STPG2: variants seen among roughly 807,000 people sequenced by gnomAD.
STPG2 encodes sperm tail PG-rich repeat containing 2.
A neutral mutation model predicts 54.2 loss-of-function variants in STPG2; 56 were observed. That is an observed-to-expected ratio of 1.03 (90% CI 0.83 to 1.29). The LOEUF (loss-of-function observed/expected upper bound fraction) is 1.29, where lower values mean the gene tolerates loss of function less well. Among genes scored for constraint, STPG2 ranks in the 50% most tolerant of loss-of-function variants. STPG2 has a pLI of 0.00. For missense variants in STPG2, 596 were observed against 544.9 expected, an observed-to-expected ratio of 1.09 and a Z score of -0.93; for synonymous variants, 200 against 181.8, an observed-to-expected ratio of 1.10 and a Z score of -0.81.
chr4:97,488,097 T>C (rs1730415507), intron 4 of STPG2, among the ~76,000 whole-genome samples: 1 of 151,646 alleles, frequency 6.6e-6, no homozygotes, highest in African/African-American at 2.4e-5. Context: ...TTCACACTTA[T>C]GTTCTTATAG....
chr4:97,930,771 T>G (rs1560595734), intron 8 of STPG2, among the ~76,000 whole-genome samples: 1 of 139,618 alleles, frequency 7.2e-6, no homozygotes, highest in Non-Finnish European at 1.7e-5. Context: ...CTTTGGGCAG[T>G]ATGGCCATTT....
intron 4 of STPG2, among the ~76,000 whole-genome samples, chr4:97,492,295 C>G (rs576498559): frequency 1.2e-4 from 18 of 151,506 alleles, no homozygotes; most frequent in African/African-American, 3.9e-4. Context: ...TTCTAAAATT[C>G]AATGAGCCTC....
intron 4 of STPG2, among the ~76,000 whole-genome samples, chr4:97,450,877 C>T (rs1319234509): frequency 6.6e-6 from 1 of 152,082 alleles, no homozygotes; most frequent in Admixed American, 6.5e-5. Flanking sequence ...ATCCTACATG[C>T]ACTTATTTAA....
chr4:97,760,304 T>C (rs1346641199), intron 9 of STPG2, among the ~76,000 whole-genome samples: 2 of 152,180 alleles, frequency 1.3e-5, no homozygotes, highest in Non-Finnish European at 2.9e-5. Context: ...CTTCCCAGAA[T>C]CTAGCTCTAG....
chr4:97,911,224 T>G (rs557739489), intron 8 of STPG2, among the ~76,000 whole-genome samples: 3 of 152,344 alleles, frequency 2.0e-5, no homozygotes, highest in African/African-American at 7.2e-5. Context: ...TGTCAGCGGC[T>G]GATCTGGCAC....
chr4:97,692,313 AAAAC>A (rs1182595283), intron 10 of STPG2, among the ~76,000 whole-genome samples: 1 of 151,772 alleles, frequency 6.6e-6, no homozygotes, highest in Admixed American at 6.6e-5. Context: ...AAAAAAAAAA[AAAAC>A]CTCAAGTGAA....
intron 10 of STPG2, among the ~76,000 whole-genome samples, chr4:97,653,063 A>G (rs771585140): frequency 1.3e-5 from 2 of 151,606 alleles, no homozygotes; most frequent in Non-Finnish European, 2.9e-5. Context: ...TAAATTAGCA[A>G]AGTGATTAGG....
intron 5 of STPG2, among the ~76,000 whole-genome samples, chr4:98,045,040 T>C (rs1406445203): frequency 6.6e-6 from 1 of 152,038 alleles, no homozygotes; most frequent in African/African-American, 2.4e-5. Flanking sequence ...TAAAGGAGTC[T>C]TGGACCCTTG....
intron 3 of STPG2, among the ~76,000 whole-genome samples, chr4:98,121,375 T>A (rs1176105432): frequency 6.6e-6 from 1 of 151,928 alleles, no homozygotes; most frequent in East Asian, 1.9e-4. Flanking sequence ...CTATACAGAC[T>A]CTTTTGGTTC....
At chr4:97,538,798 T>C (rs1430067012) in intron 4 of STPG2, among the ~76,000 whole-genome samples, 1 of 152,054 alleles carries the variant, frequency 6.6e-6, no homozygotes, top group African/African-American at 2.4e-5. Flanking sequence ...GAGAGAAAGG[T>C]TAGGTTACCC....
At chr4:98,064,690 T>G (rs1176694681) in intron 5 of STPG2, among the ~76,000 whole-genome samples, 1 of 152,226 alleles carries the variant, frequency 6.6e-6, no homozygotes, top group East Asian at 1.9e-4. Context: ...GAAAGTTGCA[T>G]ACTTGCAAAA....
chr4:97,915,081 G>C (rs547983071), intron 8 of STPG2, among the ~76,000 whole-genome samples: 61 of 152,152 alleles, frequency 4.0e-4, no homozygotes, highest in African/African-American at 1.4e-3. Context: ...GGTGTTTCCA[G>C]GACAACATAT....
At chr4:97,597,584 C>A (rs1733332458) in intron 10 of STPG2, among the ~76,000 whole-genome samples, 1 of 151,668 alleles carries the variant, frequency 6.6e-6, no homozygotes, top group Non-Finnish European at 1.5e-5. Context: ...TCAATATATG[C>A]AAATCAATAA....
At chr4:97,739,621 G>T (rs1236596557) in intron 9 of STPG2, among the ~76,000 whole-genome samples, 4 of 152,132 alleles carry the variant, frequency 2.6e-5, no homozygotes, top group Non-Finnish European at 5.9e-5. Context: ...TTGAAGAAAT[G>T]GATAAATTCC....
intron 4 of STPG2, among the ~76,000 whole-genome samples, chr4:97,444,856 C>T (rs949315153): frequency 3.3e-5 from 5 of 152,014 alleles, no homozygotes; most frequent in East Asian, 1.9e-4. Context: ...CGTGAAACCC[C>T]GTCTCTACTA....
At chr4:98,022,205 C>A (rs1194905988) in intron 5 of STPG2, among the ~76,000 whole-genome samples, 1 of 152,072 alleles carries the variant, frequency 6.6e-6, no homozygotes, top group African/African-American at 2.4e-5. Context: ...TCTTTTAGGG[C>A]AGGTCTGGTG....
chr4:98,118,455 C>T (rs1739582369), intron 3 of STPG2, among the ~76,000 whole-genome samples: 1 of 152,024 alleles, frequency 6.6e-6, no homozygotes, highest in South Asian at 2.1e-4. Flanking sequence ...AGGTTTCTTA[C>T]TGTGGAAGTA....
At chr4:97,938,764 G>A (rs1204504306) in intron 8 of STPG2, among the ~76,000 whole-genome samples, 2 of 152,012 alleles carry the variant, frequency 1.3e-5, no homozygotes, top group Non-Finnish European at 2.9e-5. Flanking sequence ...GCTTTTCATT[G>A]CTCTCCATTG....
At chr4:97,506,855 A>C (rs1418310078) in intron 4 of STPG2, among the ~76,000 whole-genome samples, 3 of 152,096 alleles carry the variant, frequency 2.0e-5, no homozygotes, top group Non-Finnish European at 2.9e-5. Context: ...AAAAAAGGAA[A>C]GCAAAGACAA....
Sources: gnomAD v4.1 joint callset for allele counts (sites outside exome capture counted in the v4.1 genomes callset) on GRCh38, gnomAD v4.1.1 for gene constraint, MANE v1.5 for transcripts, NCBI Gene and HGNC (gene_info 2026-07-23, HGNC 2026-07-21) for gene names.